ADD3: variants seen among roughly 807,000 people sequenced by gnomAD.
The protein encoded by ADD3 is adducin 3.
A neutral mutation model predicts 80.2 loss-of-function variants in ADD3; 25 were observed. That is an observed-to-expected ratio of 0.31 (90% CI 0.23 to 0.44). The LOEUF is 0.44. Among genes scored for constraint, ADD3 ranks in the 20% least tolerant of loss-of-function variants. The pLI is 1.00. For missense variants in ADD3, 829 were observed against 847.5 expected, an observed-to-expected ratio of 0.98 and a Z score of 0.27; for synonymous variants, 284 against 289.6, an observed-to-expected ratio of 0.98 and a Z score of 0.20.
intron 1 of ADD3, among the ~76,000 whole-genome samples, chr10:110,046,268 T>C (rs1006902584): frequency 2.6e-5 from 4 of 152,196 alleles, no homozygotes; most frequent in African/African-American, 9.7e-5. Context: ...ATTTTCTTAA[T>C]ATTTTCTTAG....
chr10:110,068,217 C>T lies in ADD3; in HGVS notation c.-29-32408C>T, dbSNP rs371048898. On this transcript the variant is annotated intron_variant, in intron 1 of 14. Transcript: ENST00000356080. The stretch of plus-strand genomic sequence containing the variant: ...TAGCTCCTCCTTTTCCCGCTTCCAC[C>T]GAGTTTTTGTACTGCTCCTGTCACT... 5.3e-5 allele frequency among the ~76,000 whole-genome samples: 8 copies of T among 152,210 alleles called. No homozygotes were observed. The East Asian group carries it at 1.4e-3, about 26-fold the overall frequency.
chr10:110,120,971 C>T (rs1482623799), intron 8 of ADD3, among the ~76,000 whole-genome samples: 1 of 151,744 alleles, frequency 6.6e-6, no homozygotes, highest in Non-Finnish European at 1.5e-5. Flanking sequence ...AACTGGATCC[C>T]TTCCTTACAC....
Position 110,122,148 on chromosome 10 carries a change from C to G in ADD3, c.999C>G (p.Leu333=). The G allele has an allele frequency of 6.2e-7, 1 of 1,614,056 alleles. No individual in the cohort carries two copies. Among genetic ancestry groups the G allele is most frequent in the Non-Finnish European group, 8.5e-7 (1 of 1,179,936 alleles). ...CAGGTGCAGGTGGAGTAGACAATCT[C>G]CATGTACTGGACTTTCAGAAGTATA... ...ALAGAGGVDN[L]HVLDFQKYKA... is the part of the protein sequence containing the mutation. Residue 333 remains leucine (L), a synonymous_variant, in exon 9 of 15, where the codon CTC becomes CTG. Coordinates refer to ENST00000356080, the MANE Select transcript of ADD3 (RefSeq NM_016824.5).
Position 110,133,861 on chromosome 10 carries a change from TA to T in ADD3, c.*244del. ...TTTAATTAGCTCTGCCCTCATGAAG[TA>T]TTATTATAATTCACCATAAACAGCT... On this transcript the variant is annotated 3_prime_UTR_variant, in exon 15 of 15. Coordinates refer to ENST00000356080, the MANE Select transcript of ADD3 (RefSeq NM_016824.5). 3.2e-6 allele frequency: 1 copy of T among 307,740 alleles called. No individual in the cohort carries two copies. The highest frequency in any genetic ancestry group is 5.9e-6 in the Non-Finnish European group (1 of 169,758). The allele number at this position is 307,740 out of a possible 1,614,324, so 19.1% of individuals were successfully genotyped here.
At chr10:110,080,414 C>T (rs1451069867) in intron 1 of ADD3, among the ~76,000 whole-genome samples, 1 of 152,150 alleles carries the variant, frequency 6.6e-6, no homozygotes, top group African/African-American at 2.4e-5. Flanking sequence ...AAATTAAAAA[C>T]ATCTATTGTA....
intron 2 of ADD3, among the ~76,000 whole-genome samples, chr10:110,101,635 TAA>T (rs201966150): frequency 4.1e-4 from 42 of 102,590 alleles, no homozygotes; most frequent in Admixed American, 3.1e-4. Context: ...AGACCTTACC[TAA>T]AAAAAAAAAA....
intron 1 of ADD3, among the ~76,000 whole-genome samples, chr10:110,036,044 G>A (rs982582147): frequency 3.9e-5 from 6 of 151,906 alleles, no homozygotes; most frequent in Admixed American, 2.6e-4. Context: ...CCAGCTACTC[G>A]GGAGGCTGAG....
intron 6 of ADD3, 103 bp from the exon 7 acceptor site, chr10:110,119,108 G>C: frequency 1.6e-6 from 2 of 1,278,442 alleles, no homozygotes; most frequent in Non-Finnish European, 2.2e-6. Flanking sequence ...GTGAAACACA[G>C]TGAATAGGCC....
upstream of ADD3, among the ~76,000 whole-genome samples, chr10:110,005,418 C>G (rs1851587144): frequency 6.6e-6 from 1 of 152,170 alleles, no homozygotes; most frequent in African/African-American, 2.4e-5. Context: ...AATATATTTT[C>G]TAATACTGGT....
Position 110,077,358 on chromosome 10 carries a change from T to C in ADD3, c.-29-23267T>C, listed in dbSNP as rs151027824. 1.5e-3 allele frequency among the ~76,000 whole-genome samples: 228 copies of C among 152,280 alleles called. 1 individual carries two copies. The highest frequency in any genetic ancestry group is 0.01 in the South Asian group (50 of 4,830). On this transcript the variant is annotated intron_variant, in intron 1 of 14. Coordinates refer to ENST00000356080, the MANE Select transcript of ADD3 (RefSeq NM_016824.5). Reference sequence around the variant, plus strand: ...TTGTTATTTTTAACGATTTTGGGGATGACACTGACTGTTCAAATGAAGGCA... The same window carrying C: ...TTGTTATTTTTAACGATTTTGGGGACGACACTGACTGTTCAAATGAAGGCA...
At chr10:110,105,512 G>A (rs191310059) in intron 2 of ADD3, among the ~76,000 whole-genome samples, 1 of 152,286 alleles carries the variant, frequency 6.6e-6, no homozygotes, top group East Asian at 1.9e-4. Context: ...TTGTCCAACA[G>A]GCTCCTACTG....
chr10:110,042,012 T>G (rs1053320563), intron 1 of ADD3, among the ~76,000 whole-genome samples: 2 of 152,220 alleles, frequency 1.3e-5, no homozygotes, highest in African/African-American at 2.4e-5. Flanking sequence ...TCCGTGACCC[T>G]GTATTAAGAA....
chr10:110,102,983 A>G (rs1342017024), intron 2 of ADD3, among the ~76,000 whole-genome samples: 2 of 152,212 alleles, frequency 1.3e-5, no homozygotes, highest in Admixed American at 1.3e-4. Context: ...TCATTTCCCT[A>G]TTCACTTAAC....
chr10:110,094,510 T>C (rs1475557), intron 1 of ADD3, among the ~76,000 whole-genome samples: 21,798 of 152,140 alleles, frequency 0.14, 5,051 homozygotes, highest in African/African-American at 0.49. Context: ...TCTCCATTTG[T>C]GCACTTAGTG....
At chr10:110,122,577 C>T (rs1851646127) in intron 9 of ADD3, among the ~76,000 whole-genome samples, 1 of 151,734 alleles carries the variant, frequency 6.6e-6, no homozygotes, top group South Asian at 2.1e-4. Flanking sequence ...CTTTGATCAA[C>T]ATCTCCCCAC....
chr10:110,019,004 C>T (rs1589743439), intron 1 of ADD3, among the ~76,000 whole-genome samples: 1 of 152,214 alleles, frequency 6.6e-6, no homozygotes, highest in Non-Finnish European at 1.5e-5. Flanking sequence ...GAATCCTCAT[C>T]ATTCCCAGCG....
chr10:110,060,816 CA>C (rs539067479), intron 1 of ADD3, among the ~76,000 whole-genome samples: 174 of 152,244 alleles, frequency 1.1e-3, no homozygotes, highest in African/African-American at 4.0e-3. Flanking sequence ...AGAGGAATGA[CA>C]ATTACCGTGT....
At chr10:110,036,099 C>T (rs567081433) in intron 1 of ADD3, among the ~76,000 whole-genome samples, 2 of 152,032 alleles carry the variant, frequency 1.3e-5, no homozygotes, top group East Asian at 3.9e-4. Flanking sequence ...TACAGTGAGC[C>T]GAGGTCATGC....
At chr10:110,031,074 G>A (rs760883784) in intron 1 of ADD3, among the ~76,000 whole-genome samples, 5 of 152,130 alleles carry the variant, frequency 3.3e-5, no homozygotes, top group Non-Finnish European at 7.3e-5. Context: ...TCGGGAGTTC[G>A]AGACCAGCTG....
Sources: gnomAD v4.1 joint callset for allele counts (sites outside exome capture counted in the v4.1 genomes callset) on GRCh38, gnomAD v4.1.1 for gene constraint, MANE v1.5 for transcripts, NCBI Gene and HGNC (gene_info 2026-07-23, HGNC 2026-07-21) for gene names.